Variants in DGKB observed in about 807,000 individuals in gnomAD.
The protein encoded by DGKB is diacylglycerol kinase beta, also known as 90 kDa diacylglycerol kinase.
Under a neutral mutation model 114.3 loss-of-function variants are expected in DGKB, and 67 were observed. That is an observed-to-expected ratio of 0.59 (90% CI 0.48 to 0.72). DGKB has a LOEUF of 0.72. DGKB is among the 30% of genes least tolerant of loss of function. The probability of loss-of-function intolerance (pLI) is 0.00; values close to 1 mark genes in which losing one functional copy is unlikely to be tolerated. For synonymous variants in DGKB, 398 were observed against 323.1 expected (o/e 1.23, Z -2.49); for missense variants, 907 against 975.2 (o/e 0.93, Z 0.93).
At chr7:14,879,273 T>C (rs1032670929) in intron 1 of DGKB, among the ~76,000 whole-genome samples, 1 of 151,660 alleles carries the variant, frequency 6.6e-6, no homozygotes, top group Admixed American at 6.6e-5. Flanking sequence ...TTGTCTATGT[T>C]AGGGAGCCCA....
chr7:14,808,011 G>A (rs1408929795), intron 2 of DGKB, among the ~76,000 whole-genome samples: 1 of 151,914 alleles, frequency 6.6e-6, no homozygotes, highest in Non-Finnish European at 1.5e-5. Context: ...AAGCTAAGAT[G>A]TCATTATAAT....
chr7:14,475,573 C>G (rs569250303), intron 21 of DGKB, among the ~76,000 whole-genome samples: 93 of 152,170 alleles, frequency 6.1e-4, no homozygotes, highest in Admixed American at 1.1e-3. Flanking sequence ...TACTCTATAC[C>G]TGGTTCTTGA....
At chr7:14,792,621 A>G (rs1245314474) in intron 2 of DGKB, among the ~76,000 whole-genome samples, 1 of 152,212 alleles carries the variant, frequency 6.6e-6, no homozygotes, top group Non-Finnish European at 1.5e-5. Context: ...GAAAAGAGGA[A>G]CACTAAACCA....
rs568176858 is a variant in DGKB at position 14,400,219 on chromosome 7, C to T, written c.1836-54828G>A. On this transcript the variant is annotated intron_variant, in intron 21 of 25. Transcript: ENST00000402815. ...ACTCTCAGTAATGCCAAACATAATGCATGTTCAGTAAATAGTCAGAATAAC... is the reference window on the plus strand; with the variant it reads ...ACTCTCAGTAATGCCAAACATAATGTATGTTCAGTAAATAGTCAGAATAAC... 6.6e-5 allele frequency among the ~76,000 whole-genome samples: 10 copies of T among 151,882 alleles called. 1 individual carries two copies. The South Asian group carries it at 1.2e-3, about 19-fold the overall frequency.
chr7:14,881,205 T>A (rs1854175414), intron 1 of DGKB, among the ~76,000 whole-genome samples: 1 of 152,176 alleles, frequency 6.6e-6, no homozygotes, highest in South Asian at 2.1e-4. Flanking sequence ...TTGTTGGTAT[T>A]GTGATCATTA....
In DGKB at chr7:14,963,006, A is replaced by G. The variant is rs1587467154; in HGVS notation, c.-188+11690T>C. Among the ~76,000 whole-genome samples, 3 of 152,118 alleles carry G rather than the reference A, an allele frequency of 2.0e-5. No homozygotes were observed. The East Asian group carries it at 5.8e-4, about 30-fold the overall frequency. ...TTCATTTTCTCTCTTCCGTTCTCATATTTGTTTCCCTTGCCCTGCTTGTCT... is the reference window on the plus strand; with the variant it reads ...TTCATTTTCTCTCTTCCGTTCTCATGTTTGTTTCCCTTGCCCTGCTTGTCT... On this transcript the variant is annotated intron_variant, in intron 1 of 4. Transcript: ENST00000437998.
chr7:14,198,673 C>T (rs191783911), intron 23 of DGKB, among the ~76,000 whole-genome samples: 1 of 152,036 alleles, frequency 6.6e-6, no homozygotes, highest in East Asian at 1.9e-4. Context: ...GAATTGCTAC[C>T]ATGATGGTAT....
chr7:14,913,474 C>T (rs911772731), intron 1 of DGKB, among the ~76,000 whole-genome samples: 2 of 149,304 alleles, frequency 1.3e-5, no homozygotes, highest in African/African-American at 5.0e-5. Context: ...TTGTGTCCTG[C>T]ATACTAGATA....
intron 7 of DGKB, among the ~76,000 whole-genome samples, chr7:14,699,273 A>C (rs1361048561): frequency 6.6e-6 from 1 of 152,202 alleles, no homozygotes; most frequent in Admixed American, 6.5e-5. Flanking sequence ...GTGCATGTGT[A>C]TGCACACATG....
chr7:14,282,844 G>A (rs933292433), intron 23 of DGKB, among the ~76,000 whole-genome samples: 6 of 152,112 alleles, frequency 3.9e-5, no homozygotes, highest in Non-Finnish European at 7.3e-5. Flanking sequence ...AATAAATTAG[G>A]TATTGATGGG....
At chr7:14,368,060 T>C (rs1816989043) in intron 21 of DGKB, among the ~76,000 whole-genome samples, 1 of 152,124 alleles carries the variant, frequency 6.6e-6, no homozygotes, top group Admixed American at 6.6e-5. Context: ...TTAAATAGAA[T>C]TCATTTTATT....
At chr7:14,838,853 G>C (rs1847521523) in intron 2 of DGKB, among the ~76,000 whole-genome samples, 1 of 152,102 alleles carries the variant, frequency 6.6e-6, no homozygotes, top group Non-Finnish European at 1.5e-5. Flanking sequence ...CATTCTTACA[G>C]ACTTCACTCA....
intron 12 of DGKB, among the ~76,000 whole-genome samples, chr7:14,677,629 G>A (rs920244798): frequency 3.3e-5 from 5 of 151,970 alleles, no homozygotes; most frequent in African/African-American, 1.2e-4. Context: ...TGACCAGTGA[G>A]AGCTTACCTT....
intron 2 of DGKB, among the ~76,000 whole-genome samples, chr7:14,817,695 C>T (rs1303629280): frequency 6.6e-6 from 1 of 152,058 alleles, no homozygotes; most frequent in African/African-American, 2.4e-5. Flanking sequence ...CAGGGAAATG[C>T]ATGTTTTCAT....
chr7:14,740,588 G>T (rs762454867), intron 4 of DGKB, among the ~76,000 whole-genome samples: 1 of 152,154 alleles, frequency 6.6e-6, no homozygotes, highest in East Asian at 1.9e-4. Context: ...CTGGATCTTA[G>T]GGATCCAGAG....
Position 14,670,379 on chromosome 7 carries a change from T to C in DGKB, c.1134+2550A>G, listed in dbSNP as rs1415862330. Among the ~76,000 whole-genome samples the C allele has an allele frequency of 2.0e-5, 3 of 151,970 alleles. No homozygotes were observed. The East Asian group carries it at 5.8e-4, about 30-fold the overall frequency. On this transcript the variant is annotated intron_variant, in intron 13 of 25. Coordinates refer to ENST00000402815, the MANE Select transcript of DGKB (RefSeq NM_001350709.2). ...GTGCAGTGATGCAATCTTGGCTCACTGCAACCTCCGCCTCCAGGGTTCAAG... is the reference window on the plus strand; with the variant it reads ...GTGCAGTGATGCAATCTTGGCTCACCGCAACCTCCGCCTCCAGGGTTCAAG...
intron 1 of DGKB, among the ~76,000 whole-genome samples, chr7:14,940,572 T>A (rs186376513): frequency 8.9e-4 from 135 of 152,250 alleles, no homozygotes; most frequent in African/African-American, 3.2e-3. Context: ...AAACAACTGG[T>A]GATCCAGTTT....
intron 2 of DGKB, among the ~76,000 whole-genome samples, chr7:14,801,112 T>C (rs1373189796): frequency 6.6e-6 from 1 of 152,162 alleles, no homozygotes; most frequent in Admixed American, 6.5e-5. Flanking sequence ...ATTCCTTCCC[T>C]TTTTTATTCC....
intron 20 of DGKB, among the ~76,000 whole-genome samples, chr7:14,507,539 T>C: frequency 6.6e-6 from 1 of 152,322 alleles, no homozygotes; most frequent in South Asian, 2.1e-4. Context: ...GTATTACACT[T>C]TGCACAGAAA....
Sources: gnomAD v4.1 joint callset for allele counts (sites outside exome capture counted in the v4.1 genomes callset) on GRCh38, gnomAD v4.1.1 for gene constraint, MANE v1.5 for transcripts, NCBI Gene and HGNC (gene_info 2026-07-23, HGNC 2026-07-21) for gene names.